The following KIR2DL3 variants were observed in gnomAD, a reference collection of about 807,000 sequenced individuals.
KIR2DL3 encodes killer cell immunoglobulin-like receptor 2DL3.
In KIR2DL3, 39 loss-of-function variants were observed where a neutral mutation model predicts 33.8. That is an observed-to-expected ratio of 1.15 (90% confidence interval 0.89 to 1.51). KIR2DL3 has a LOEUF of 1.51. Ranked by LOEUF, KIR2DL3 falls within the 40% of genes most tolerant of loss-of-function variation. The pLI is 0.00. For missense variants in KIR2DL3, 462 were observed against 426.2 expected (o/e 1.08, Z -0.74); for synonymous variants, 174 against 160.2 (o/e 1.09, Z -0.65).
At chr19:54,749,372 G>T (rs1190392499) in intron 5 of KIR2DL3, among the ~76,000 whole-genome samples, 5 of 137,324 alleles carry the variant, frequency 3.6e-5, no homozygotes, top group African/African-American at 8.0e-5. Context: ...CACCCCACTG[G>T]TGAAATGTGG....
At chr19:54,750,662 G>C (rs2073282656) in intron 5 of KIR2DL3, among the ~76,000 whole-genome samples, 1 of 136,890 alleles carries the variant, frequency 7.3e-6, no homozygotes, top group Non-Finnish European at 1.6e-5. Context: ...GACTGCACCT[G>C]GGCTTATGCC....
chr19:54,746,533 A>G (rs1448748695), intron 4 of KIR2DL3, among the ~76,000 whole-genome samples: 1 of 148,242 alleles, frequency 6.7e-6, no homozygotes, highest in East Asian at 1.9e-4. Context: ...CAGGCCTTAG[A>G]CTCACATCTT....
intron 2 of KIR2DL3, among the ~76,000 whole-genome samples, chr19:54,741,325 G>A (rs1400556423): frequency 1.3e-4 from 19 of 151,088 alleles, no homozygotes; most frequent in African/African-American, 4.6e-4. Context: ...GGGTGAAGGA[G>A]TGAGACTCTG....
At chr19:54,743,021 A>G (rs1230940285) in intron 3 of KIR2DL3, among the ~76,000 whole-genome samples, 1 of 151,914 alleles carries the variant, frequency 6.6e-6, no homozygotes, top group Admixed American at 6.6e-5. Context: ...GGCAGGGAGC[A>G]GAGAAAAGCA....
In KIR2DL3 at chr19:54,739,477, T is replaced by C; in HGVS notation, c.35-30T>C. 3 of 1,613,852 alleles carry C rather than the reference T, an allele frequency of 1.9e-6. No individual in the cohort carries two copies. The East Asian group carries it at 6.7e-5, about 36-fold the overall frequency. On this transcript the variant is annotated intron_variant, in intron 1 of 7. Transcript: ENST00000342376. ...AAGGGAGGCCTGGTTTGCCTGCAGATGGATGGTCCATCATGATCTTTCTTT... is the reference window on the plus strand; with the variant it reads ...AAGGGAGGCCTGGTTTGCCTGCAGACGGATGGTCCATCATGATCTTTCTTT...
chr19:54,748,259 G>A (rs1424757365), intron 5 of KIR2DL3, among the ~76,000 whole-genome samples: 1 of 151,648 alleles, frequency 6.6e-6, no homozygotes, highest in Non-Finnish European at 1.5e-5. Context: ...CTTATCTTTT[G>A]AAAACTTGGG....
chr19:54,749,409 A>G (rs1385599500), intron 5 of KIR2DL3, among the ~76,000 whole-genome samples: 6 of 131,426 alleles, frequency 4.6e-5, no homozygotes, highest in Non-Finnish European at 1.0e-4. Flanking sequence ...AAATGAATGA[A>G]GTAGATGGAT....
intron 2 of KIR2DL3, 109 bp from the exon 3 acceptor site, chr19:54,741,871 G>A: frequency 1.5e-6 from 2 of 1,296,598 alleles, no homozygotes; most frequent in Non-Finnish European, 2.1e-6. Flanking sequence ...AAGACACAGA[G>A]AGGAAGGAGA....
chr19:54,743,557 A>G (rs530116360), intron 3 of KIR2DL3, among the ~76,000 whole-genome samples: 19 of 152,320 alleles, frequency 1.2e-4, no homozygotes, highest in African/African-American at 4.6e-4. Flanking sequence ...AGAGTCAGAG[A>G]GAATAAAAGA....
intron 5 of KIR2DL3, among the ~76,000 whole-genome samples, chr19:54,749,170 G>T: frequency 6.6e-6 from 1 of 150,410 alleles, no homozygotes; most frequent in East Asian, 1.9e-4. Flanking sequence ...CAAGACGACT[G>T]TAGAGAGACG....
intron 4 of KIR2DL3, among the ~76,000 whole-genome samples, chr19:54,745,583 C>G (rs2147111132): frequency 6.6e-6 from 1 of 150,972 alleles, no homozygotes; most frequent in African/African-American, 2.4e-5. Flanking sequence ...GGGCTGCTCT[C>G]AAACTCATGA....
chr19:54,741,174 A>T (rs1370829937), intron 2 of KIR2DL3, among the ~76,000 whole-genome samples: 3 of 151,412 alleles, frequency 2.0e-5, no homozygotes, highest in Non-Finnish European at 2.9e-5. Flanking sequence ...AGGACAAGTT[A>T]AGAAACAACC....
chr19:54,740,855 T>C (rs369292945), intron 2 of KIR2DL3, among the ~76,000 whole-genome samples: 9,150 of 150,786 alleles, frequency 0.061, 370 homozygotes, highest in African/African-American at 0.12. Flanking sequence ...AGGGTGCACA[T>C]GAAAGGAGGA....
chr19:54,752,938 T>A lies in KIR2DL3; in HGVS notation c.*419T>A, dbSNP rs72487175. The A allele has an allele frequency of 0.16, 34,768 of 215,570 alleles. 2,531 individuals are homozygous for A. Among genetic ancestry groups the A allele is most frequent in the South Asian group, 0.22 (2,813 of 12,576 alleles). 13.4% of individuals were successfully genotyped at this position (215,570 alleles called of 1,614,324 possible). On this transcript the variant is annotated 3_prime_UTR_variant, in exon 8 of 8. Coordinates refer to ENST00000342376, the MANE Select transcript of KIR2DL3 (RefSeq NM_015868.3). The stretch of plus-strand genomic sequence containing the variant: ...CGTGCTGTTCCACCTTCCCTCATGC[T>A]GTTCCACCTCCCCTCAGACTAGCTT...
chr19:54,744,235 G>C, intron 4 of KIR2DL3, 147 bp downstream of exon 4: 3 of 1,323,172 alleles, frequency 2.3e-6, no homozygotes, highest in South Asian at 2.6e-5. Context: ...CAGGATGGCA[G>C]ACAGGGCACC....
intron 2 of KIR2DL3, among the ~76,000 whole-genome samples, chr19:54,739,877 G>A (rs1452925231): frequency 6.6e-6 from 1 of 151,736 alleles, no homozygotes; most frequent in Non-Finnish European, 1.5e-5. Context: ...CATTCTACCA[G>A]AAGAGGTGGG....
At chr19:54,749,454 GA>G (rs1402605837) in intron 5 of KIR2DL3, among the ~76,000 whole-genome samples, 5 of 121,984 alleles carry the variant, frequency 4.1e-5, no homozygotes, top group Non-Finnish European at 9.6e-5. Flanking sequence ...TCATTGACTG[GA>G]AACGCTTACT....
At chr19:54,742,950 T>C (rs1427900421) in intron 3 of KIR2DL3, among the ~76,000 whole-genome samples, 1 of 150,952 alleles carries the variant, frequency 6.6e-6, no homozygotes, top group Non-Finnish European at 1.5e-5. Flanking sequence ...AGGAAGGAGA[T>C]TGAGAGACTC....
intron 5 of KIR2DL3, among the ~76,000 whole-genome samples, chr19:54,750,205 A>C (rs1024554238): frequency 2.3e-5 from 3 of 132,674 alleles, no homozygotes; most frequent in African/African-American, 8.6e-5. Flanking sequence ...ACTTCCAATC[A>C]CCTGTGGAGA....
Sources: allele counts gnomAD v4.1 joint callset (sites outside exome capture counted in the v4.1 genomes callset), GRCh38; gene constraint gnomAD v4.1.1; transcripts MANE v1.5; gene names NCBI Gene and HGNC (gene_info 2026-07-23, HGNC 2026-07-21).